Variants in PTPRN2 observed in about 807,000 individuals in gnomAD.
PTPRN2 encodes the protein protein tyrosine phosphatase receptor type N2, also known as receptor-type tyrosine-protein phosphatase N2.
Under a neutral mutation model 118.8 loss-of-function variants are expected in PTPRN2, and 74 were observed. That is an observed-to-expected ratio of 0.62 (90% CI 0.52 to 0.76). The LOEUF (loss-of-function observed/expected upper bound fraction) is 0.76. Among genes scored for constraint, PTPRN2 ranks in the 30% least tolerant of loss-of-function variants. PTPRN2 has a pLI of 0.00. For missense variants in PTPRN2, 1,481 were observed against 1,394.4 expected (o/e 1.06, Z -0.99); for synonymous variants, 641 against 608.0 (o/e 1.05, Z -0.80).
chr7:158,268,950 C>T (rs993855502), intron 3 of PTPRN2, among the ~76,000 whole-genome samples: 17 of 149,210 alleles, frequency 1.1e-4, no homozygotes, highest in Non-Finnish European at 1.0e-4. Flanking sequence ...TGTGAAATAT[C>T]GCAGCCACAT....
chr7:158,370,044 C>T (rs542789604), intron 2 of PTPRN2, among the ~76,000 whole-genome samples: 1 of 152,136 alleles, frequency 6.6e-6, no homozygotes, highest in East Asian at 1.9e-4. Context: ...TGAACAGGAG[C>T]TTAGCTACAG....
intron 11 of PTPRN2, among the ~76,000 whole-genome samples, chr7:157,910,734 G>T (rs954872080): frequency 6.6e-6 from 1 of 152,232 alleles, no homozygotes; most frequent in African/African-American, 2.4e-5. Flanking sequence ...GCGAGCGCGC[G>T]TGCGCCCCTG....
At chr7:158,083,163 G>A (rs996102850) in intron 10 of PTPRN2, among the ~76,000 whole-genome samples, 17 of 152,144 alleles carry the variant, frequency 1.1e-4, no homozygotes, top group Admixed American at 2.0e-4. Flanking sequence ...CACACCAGAC[G>A]TTTTATAGAT....
chr7:157,846,400 C>T (rs1412283405), intron 12 of PTPRN2, among the ~76,000 whole-genome samples: 1 of 152,068 alleles, frequency 6.6e-6, no homozygotes, highest in Non-Finnish European at 1.5e-5. Context: ...TCTCAGGCCT[C>T]CAGGAAATGA....
intron 1 of PTPRN2, among the ~76,000 whole-genome samples, chr7:158,571,244 G>A (rs1290301224): frequency 6.6e-6 from 1 of 151,922 alleles, no homozygotes; most frequent in African/African-American, 2.4e-5. Flanking sequence ...CAGCACTTTG[G>A]GAGGCCGAGG....
chr7:158,531,592 C>A (rs1286952795), intron 1 of PTPRN2, among the ~76,000 whole-genome samples: 2 of 152,246 alleles, frequency 1.3e-5, no homozygotes, highest in African/African-American at 4.8e-5. Context: ...ATGCCCACAT[C>A]TCACGCGCAG....
In PTPRN2 at chr7:158,269,879, CAG is replaced by C. The variant is rs1214738904; in HGVS notation, c.277+46938_277+46939del. On this transcript the variant is annotated intron_variant, in intron 3 of 22. Transcript: ENST00000389418. Reference sequence around the variant, plus strand: ...AGAGACAGAGAGAGACAGAAAGAGACAGAGAGAGACAGAGAGACAGAGACATA... The same window carrying C: ...AGAGACAGAGAGAGACAGAAAGAGACAGAGAGACAGAGAGACAGAGACATA... 4.6e-5 allele frequency among the ~76,000 whole-genome samples: 7 copies of C among 151,126 alleles called. No homozygotes were observed. In the South Asian group the frequency reaches 1.5e-3, roughly 32 times the overall value.
chr7:158,321,447 A>C (rs1348961820), intron 2 of PTPRN2, among the ~76,000 whole-genome samples: 3 of 152,062 alleles, frequency 2.0e-5, no homozygotes, highest in African/African-American at 7.2e-5. Flanking sequence ...CAGCCTGTCG[A>C]CATGACCCTA....
intron 16 of PTPRN2, among the ~76,000 whole-genome samples, chr7:157,601,190 T>A (rs998358357): frequency 2.0e-5 from 3 of 152,206 alleles, no homozygotes; most frequent in Admixed American, 2.0e-4. Context: ...TTGACTTTCA[T>A]GACCTCTGAT....
At chr7:157,683,768 A>G (rs1263556) in intron 12 of PTPRN2, among the ~76,000 whole-genome samples, 134,581 of 152,050 alleles carry the variant, frequency 0.89, 59,736 homozygotes, top group Non-Finnish European at 0.91. Flanking sequence ...CCCCTCATTA[A>G]CTTCATTAGA....
intron 1 of PTPRN2, among the ~76,000 whole-genome samples, chr7:158,505,282 A>G (rs1313328860): frequency 6.6e-6 from 1 of 152,230 alleles, no homozygotes; most frequent in Non-Finnish European, 1.5e-5. Flanking sequence ...AGGCAAGGCC[A>G]TGCTTTGGGA....
intron 11 of PTPRN2, among the ~76,000 whole-genome samples, chr7:157,967,101 C>A (rs1481290357): frequency 6.6e-6 from 1 of 152,210 alleles, no homozygotes; most frequent in Non-Finnish European, 1.5e-5. Flanking sequence ...AGGAGGATTG[C>A]TTGAGACCAG....
At chr7:158,277,534 C>T (rs182149522) in intron 3 of PTPRN2, among the ~76,000 whole-genome samples, 10 of 152,306 alleles carry the variant, frequency 6.6e-5, no homozygotes, top group East Asian at 1.9e-4. Flanking sequence ...GGACCTAACC[C>T]GCGCTCTCCC....
chr7:158,479,231 C>T (rs60260602), intron 2 of PTPRN2, among the ~76,000 whole-genome samples: 73 of 152,004 alleles, frequency 4.8e-4, no homozygotes, highest in African/African-American at 1.6e-3. Context: ...GTGAGTGGGG[C>T]GGCGTGGCAC....
At chr7:157,982,755 A>G (rs1803386733) in intron 11 of PTPRN2, among the ~76,000 whole-genome samples, 1 of 106,520 alleles carries the variant, frequency 9.4e-6, no homozygotes. Context: ...AGGGGAATGC[A>G]GAGTGCAGGG....
chr7:157,776,289 GTCC>G (rs1803231527), intron 12 of PTPRN2, among the ~76,000 whole-genome samples: 2 of 78,982 alleles, frequency 2.5e-5, no homozygotes, highest in Non-Finnish European at 4.7e-5. Context: ...CCTCCTCCCT[GTCC>G]TCCTTCTCCC....
At chr7:158,535,198 C>T (rs1825576468) in intron 1 of PTPRN2, among the ~76,000 whole-genome samples, 1 of 152,160 alleles carries the variant, frequency 6.6e-6, no homozygotes, top group African/African-American at 2.4e-5. Context: ...TATCTTGTTC[C>T]TTCCACAATC....
chr7:158,494,860 A>C (rs1275466763), intron 1 of PTPRN2, among the ~76,000 whole-genome samples: 1 of 152,166 alleles, frequency 6.6e-6, no homozygotes, highest in African/African-American at 2.4e-5. Flanking sequence ...CAAGGAACAC[A>C]CACAGATTTC....
chr7:157,750,111 T>A (rs1433609168), intron 12 of PTPRN2, among the ~76,000 whole-genome samples: 2 of 152,052 alleles, frequency 1.3e-5, no homozygotes, highest in Non-Finnish European at 2.9e-5. Flanking sequence ...GCATGCATAC[T>A]CAGGCCTGCA....
Sources: gnomAD v4.1 joint callset for allele counts (sites outside exome capture counted in the v4.1 genomes callset) on GRCh38, gnomAD v4.1.1 for gene constraint, MANE v1.5 for transcripts, NCBI Gene and HGNC (gene_info 2026-07-23, HGNC 2026-07-21) for gene names.